PCDH9: variants seen among roughly 807,000 people sequenced by gnomAD.
PCDH9 encodes the protein protocadherin-9.
PCDH9 carries 24 observed loss-of-function variants against 70.6 expected under a neutral mutation model. That is an observed-to-expected ratio of 0.34 (90% CI 0.25 to 0.48). PCDH9 has a LOEUF of 0.48. PCDH9 is among the 20% of genes least tolerant of loss of function. The pLI, the probability that PCDH9 is intolerant of heterozygous loss-of-function variation, is 0.99. For missense variants in PCDH9, 1,281 were observed against 1,503.6 expected, an observed-to-expected ratio of 0.85 and a Z score of 2.45; for synonymous variants, 562 against 558.5, an observed-to-expected ratio of 1.01 and a Z score of -0.09.
intron 4 of PCDH9, among the ~76,000 whole-genome samples, chr13:66,433,846 G>A (rs1429965837): frequency 6.6e-6 from 1 of 151,760 alleles, no homozygotes; most frequent in Admixed American, 6.6e-5. Context: ...TTGTTCATAT[G>A]AGCATTTTCC....
intron 4 of PCDH9, among the ~76,000 whole-genome samples, chr13:66,614,587 GT>G (rs771534343): frequency 4.4e-4 from 67 of 152,150 alleles, no homozygotes; most frequent in Non-Finnish European, 8.8e-4. Flanking sequence ...TCAAACTTCA[GT>G]TTTAAAATTG....
intron 2 of PCDH9, among the ~76,000 whole-genome samples, chr13:66,980,717 T>A (rs2083726695): frequency 7.4e-6 from 1 of 135,008 alleles, no homozygotes; most frequent in South Asian, 2.2e-4. Flanking sequence ...TGTTTTTTCC[T>A]GTTTTTTTCT....
intron 4 of PCDH9, among the ~76,000 whole-genome samples, chr13:66,524,254 GTTA>G (rs1224129325): frequency 6.6e-6 from 1 of 151,934 alleles, no homozygotes; most frequent in South Asian, 2.1e-4. Context: ...ACATAAAATG[GTTA>G]TTAATTTCCT....
At chr13:66,521,353 T>C (rs1051039341) in intron 4 of PCDH9, among the ~76,000 whole-genome samples, 1 of 152,122 alleles carries the variant, frequency 6.6e-6, no homozygotes, top group African/African-American at 2.4e-5. Context: ...AAATGGGCCA[T>C]GATGAGGTCG....
chr13:67,089,099 G>C (rs577257369), intron 2 of PCDH9, among the ~76,000 whole-genome samples: 1 of 152,072 alleles, frequency 6.6e-6, no homozygotes, highest in East Asian at 1.9e-4. Flanking sequence ...TCAAAATTAG[G>C]AAAGGTAAAG....
intron 2 of PCDH9, among the ~76,000 whole-genome samples, chr13:67,071,888 C>CAAAAAAAAAAAAAAAAAAAA (rs5804309): frequency 1.2e-5 from 1 of 86,688 alleles, no homozygotes; most frequent in African/African-American, 4.5e-5. Flanking sequence ...GACTTTGTCT[C>CAAAAAAAAAAAAAAAAAAAA]AAAAAAAAAA....
intron 2 of PCDH9, among the ~76,000 whole-genome samples, chr13:67,081,103 T>C (rs1423298448): frequency 1.3e-5 from 2 of 152,202 alleles, no homozygotes; most frequent in African/African-American, 2.4e-5. Flanking sequence ...TCCATATGTA[T>C]TGTTTTATGG....
intron 3 of PCDH9, among the ~76,000 whole-genome samples, chr13:66,680,787 G>C (rs1056132945): frequency 2.0e-5 from 3 of 152,054 alleles, no homozygotes; most frequent in Admixed American, 1.3e-4. Flanking sequence ...AAAGTCACCT[G>C]ATTCAAGGAA....
rs1180200292 is a variant in PCDH9, at chr13:66,779,778, G to A, written c.3138+123726C>T. 5.3e-5 allele frequency among the ~76,000 whole-genome samples: 8 copies of A among 149,822 alleles called. No individual in the cohort carries two copies. The East Asian group carries it at 5.9e-4, about 11-fold the overall frequency. Reference sequence around the variant, plus strand: ...GGTGGTTGCAGTGAGCTGAGATTGCGCCACTGTACTCCAGCCTGGCAACAG... The same window carrying A: ...GGTGGTTGCAGTGAGCTGAGATTGCACCACTGTACTCCAGCCTGGCAACAG... On this transcript the variant is annotated intron_variant, in intron 3 of 4. Transcript: ENST00000377865.
At chr13:66,335,743 A>T (rs1228822373) in intron 4 of PCDH9, among the ~76,000 whole-genome samples, 1 of 152,126 alleles carries the variant, frequency 6.6e-6, no homozygotes, top group African/African-American at 2.4e-5. Context: ...TTGACTCTAC[A>T]GCTTTTCTTC....
At chr13:66,359,956 T>A (rs1956442225) in intron 4 of PCDH9, among the ~76,000 whole-genome samples, 1 of 152,114 alleles carries the variant, frequency 6.6e-6, no homozygotes, top group Non-Finnish European at 1.5e-5. Context: ...TATTTATACA[T>A]CTTTAAATAT....
chr13:66,816,395 C>A (rs2080605506), intron 3 of PCDH9, among the ~76,000 whole-genome samples: 1 of 152,076 alleles, frequency 6.6e-6, no homozygotes, highest in Non-Finnish European at 1.5e-5. Flanking sequence ...CCAGGTAGAA[C>A]CCAAGTGCAT....
intron 3 of PCDH9, among the ~76,000 whole-genome samples, chr13:66,722,571 G>A (rs1210132667): frequency 6.6e-6 from 1 of 152,136 alleles, no homozygotes; most frequent in Admixed American, 6.6e-5. Flanking sequence ...ATTCTCCTGT[G>A]AAAGAGATTC....
intron 4 of PCDH9, among the ~76,000 whole-genome samples, chr13:66,356,771 T>C (rs576141106): frequency 3.9e-5 from 6 of 152,118 alleles, no homozygotes; most frequent in East Asian, 1.9e-4. Flanking sequence ...TGAATAAATA[T>C]ATGCTACATC....
chr13:67,086,065 A>T (rs1381358265), intron 2 of PCDH9, among the ~76,000 whole-genome samples: 1 of 152,176 alleles, frequency 6.6e-6, no homozygotes, highest in Non-Finnish European at 1.5e-5. Context: ...ATTCTATACA[A>T]GCATAACTAT....
chr13:66,345,099 C>T (rs933988909), intron 4 of PCDH9, among the ~76,000 whole-genome samples: 17 of 152,210 alleles, frequency 1.1e-4, no homozygotes, highest in African/African-American at 4.1e-4. Flanking sequence ...TTCCAAAGGG[C>T]AGCCTGAGAT....
At chr13:67,098,607 A>G (rs1566423679) in intron 2 of PCDH9, among the ~76,000 whole-genome samples, 1 of 152,150 alleles carries the variant, frequency 6.6e-6, no homozygotes, top group Non-Finnish European at 1.5e-5. Flanking sequence ...TAAGAATGAA[A>G]TGGAGAAAAT....
chr13:67,176,860 G>A (rs1222759620), intron 2 of PCDH9, among the ~76,000 whole-genome samples: 4 of 151,982 alleles, frequency 2.6e-5, no homozygotes, highest in African/African-American at 9.7e-5. Flanking sequence ...AATAAAGGTA[G>A]TATGCCTGTG....
intron 4 of PCDH9, among the ~76,000 whole-genome samples, chr13:66,346,837 C>A (rs1325971089): frequency 1.3e-5 from 2 of 152,086 alleles, no homozygotes; most frequent in African/African-American, 4.8e-5. Flanking sequence ...TGCCAGTGGG[C>A]CCTCACAGCT....
Sources: allele counts gnomAD v4.1 joint callset (sites outside exome capture counted in the v4.1 genomes callset), GRCh38; gene constraint gnomAD v4.1.1; transcripts MANE v1.5; gene names NCBI Gene and HGNC (gene_info 2026-07-23, HGNC 2026-07-21).